AP4E1: variants seen among roughly 807,000 people sequenced by gnomAD.
AP4E1 encodes AP-4 complex subunit epsilon-1.
AP4E1 carries 56 observed loss-of-function variants against 128.2 expected under a neutral mutation model. That is an observed-to-expected ratio of 0.44 (90% CI 0.35 to 0.55). The LOEUF (loss-of-function observed/expected upper bound fraction) is 0.55. Ranked by LOEUF, AP4E1 falls within the 20% of genes least tolerant of loss-of-function variation. The pLI is 0.00. For synonymous variants in AP4E1, 484 were observed against 473.1 expected (o/e 1.02, Z -0.30); for missense variants, 1,324 against 1,307.7 (o/e 1.01, Z -0.19).
At chr15:50,915,759 C>T (rs1057390758) in intron 3 of AP4E1, 188 bp downstream of exon 3, 3 of 664,046 alleles carry the variant, frequency 4.5e-6, no homozygotes, top group Non-Finnish European at 7.4e-6. Context: ...TGATGCATAG[C>T]ATTTTGGAGT....
intron 2 of AP4E1, among the ~76,000 whole-genome samples, chr15:50,915,158 T>C (rs1306130638): frequency 1.3e-5 from 2 of 152,186 alleles, no homozygotes; most frequent in Non-Finnish European, 2.9e-5. Flanking sequence ...TATCACATTA[T>C]AACCAAATTT....
At chr15:50,932,235 T>C (rs576165761) in intron 7 of AP4E1, among the ~76,000 whole-genome samples, 3 of 152,282 alleles carry the variant, frequency 2.0e-5, no homozygotes, top group Admixed American at 2.0e-4. Context: ...TGCCTCAGCC[T>C]CCTAAAGTGC....
chr15:50,908,772 G>A lies in AP4E1; in HGVS notation c.-7G>A, dbSNP rs867144603. ...GGGCGGCGGCGGCATCGCGGGCGGC[G>A]GCGGCGATGAGCGACATAGTGGAGA... On this transcript the variant is annotated 5_prime_UTR_variant, in exon 1 of 21. Coordinates refer to ENST00000261842, the MANE Select transcript of AP4E1 (RefSeq NM_007347.5). The A allele has an allele frequency of 6.5e-6, 10 of 1,534,790 alleles. No homozygotes were observed. Among genetic ancestry groups the A allele is most frequent in the Non-Finnish European group, 8.7e-6 (10 of 1,145,532 alleles).
intron 2 of AP4E1, among the ~76,000 whole-genome samples, chr15:50,913,637 A>C (rs2063591647): frequency 6.6e-6 from 1 of 152,270 alleles, no homozygotes. Flanking sequence ...AATCTCACTT[A>C]GATAAAGTTC....
At chr15:50,992,308 A>G (rs2064816377) in intron 16 of AP4E1, among the ~76,000 whole-genome samples, 1 of 152,292 alleles carries the variant, frequency 6.6e-6, no homozygotes, top group South Asian at 2.1e-4. Context: ...GGAGGAGTCA[A>G]AAGTTACATG....
chr15:50,939,669 G>A (rs2141172299), intron 8 of AP4E1, among the ~76,000 whole-genome samples: 1 of 152,120 alleles, frequency 6.6e-6, no homozygotes, highest in East Asian at 1.9e-4. Context: ...TCCCATGTTG[G>A]CACCCCAGAA....
At chr15:50,914,472 G>A (rs1359101187) in intron 2 of AP4E1, among the ~76,000 whole-genome samples, 1 of 151,880 alleles carries the variant, frequency 6.6e-6, no homozygotes, top group East Asian at 1.9e-4. Context: ...CCAACATGGT[G>A]AAACCCCATC....
At chr15:50,947,189 G>A (rs182726775) in intron 10 of AP4E1, among the ~76,000 whole-genome samples, 143 of 152,276 alleles carry the variant, frequency 9.4e-4, no homozygotes, top group Middle Eastern at 6.8e-3. Context: ...GCCAAGGTGG[G>A]AGGATCACTT....
intron 11 of AP4E1, among the ~76,000 whole-genome samples, chr15:50,949,274 A>G (rs1348211404): frequency 6.6e-6 from 1 of 151,910 alleles, no homozygotes; most frequent in Non-Finnish European, 1.5e-5. Flanking sequence ...TTAGCCGGGC[A>G]TGGTGGTGTG....
At chr15:50,910,608 C>T (rs1229766251) in intron 1 of AP4E1, among the ~76,000 whole-genome samples, 6 of 152,142 alleles carry the variant, frequency 3.9e-5, no homozygotes, top group South Asian at 2.1e-4. Context: ...TGATGCTATC[C>T]GGAGAGAACC....
At chr15:50,929,979 T>C (rs2063812591) in intron 6 of AP4E1, among the ~76,000 whole-genome samples, 1 of 151,802 alleles carries the variant, frequency 6.6e-6, no homozygotes, top group South Asian at 2.1e-4. Flanking sequence ...ATTACTCAGA[T>C]ACATAATCAA....
intron 14 of AP4E1, among the ~76,000 whole-genome samples, chr15:50,960,593 G>A (rs1386758533): frequency 1.3e-5 from 2 of 151,914 alleles, no homozygotes; most frequent in African/African-American, 4.8e-5. Flanking sequence ...TGGAAATTCA[G>A]ACACAACTTA....
Position 51,003,156 on chromosome 15 carries a change from G to T in AP4E1, c.*494G>T, listed in dbSNP as rs1374197050. On this transcript the variant is annotated 3_prime_UTR_variant, in exon 21 of 21. Transcript: ENST00000261842. ...TTTCGATTATGTTTTGCTTAGATCA[G>T]TGTTGAACTAAGTTGGCATAGCACA... 3 of 177,622 alleles carry T rather than the reference G, an allele frequency of 1.7e-5. No individual in the cohort carries two copies. Among genetic ancestry groups the T allele is most frequent in the African/African-American group, 7.2e-5 (3 of 41,806 alleles). The allele number at this position is 177,622 out of a possible 1,614,324, so 11.0% of individuals were successfully genotyped here.
chr15:50,932,831 GTGA>G (rs1464887487), intron 7 of AP4E1, among the ~76,000 whole-genome samples: 1 of 152,186 alleles, frequency 6.6e-6, no homozygotes, highest in African/African-American at 2.4e-5. Context: ...AAAACGTAAG[GTGA>G]TGGAGCATGT....
At chr15:50,948,300 G>T in intron 11 of AP4E1, 141 bp downstream of exon 11, 2 of 904,920 alleles carry the variant, frequency 2.2e-6, no homozygotes, top group Non-Finnish European at 3.3e-6. Flanking sequence ...AGCCTCTCTT[G>T]TCAGAAAAAG....
chr15:50,982,723 C>T (rs1302614837), intron 15 of AP4E1, among the ~76,000 whole-genome samples: 2 of 152,114 alleles, frequency 1.3e-5, no homozygotes, highest in African/African-American at 2.4e-5. Context: ...GATTCTTCTT[C>T]TGTATCATTT....
intron 18 of AP4E1, among the ~76,000 whole-genome samples, 181 bp from the exon 19 acceptor site, chr15:50,998,891 T>C (rs1478389539): frequency 6.6e-6 from 1 of 152,238 alleles, no homozygotes; most frequent in African/African-American, 2.4e-5. Context: ...TATTATTTCA[T>C]TATCTGTTCT....
intron 16 of AP4E1, 35 bp downstream of exon 16, chr15:50,984,180 G>A: frequency 1.2e-6 from 2 of 1,610,786 alleles, no homozygotes; most frequent in Non-Finnish European, 1.7e-6. Context: ...GAGGTTATGG[G>A]AGTGCTTAAA....
rs910461889 is a variant in AP4E1 at position 50,957,500 on chromosome 15, A to G, written c.1549-992A>G. 1.2e-4 allele frequency among the ~76,000 whole-genome samples: 18 copies of G among 152,030 alleles called. No homozygotes were observed. In the East Asian group the frequency reaches 1.4e-3, roughly 11 times the overall value. On this transcript the variant is annotated intron_variant, in intron 13 of 20. Transcript: ENST00000261842. ...AACATTTGAATGGGAAAATAGGGAT[A>G]TAAGTTCTCACTTTGGGCCGTGGTC... is the stretch of plus-strand genomic sequence containing the variant.
Sources: gnomAD v4.1 joint callset for allele counts (sites outside exome capture counted in the v4.1 genomes callset) on GRCh38, gnomAD v4.1.1 for gene constraint, MANE v1.5 for transcripts, NCBI Gene and HGNC (gene_info 2026-07-23, HGNC 2026-07-21) for gene names.